Variants in DOCK7 observed in about 807,000 individuals in gnomAD.
DOCK7 encodes dedicator of cytokinesis 7, also known as dedicator of cytokinesis protein 7.
DOCK7 carries 138 observed loss-of-function variants against 271.0 expected under a neutral mutation model. The observed-to-expected ratio is 0.51, with a 90% CI of 0.44 to 0.59. DOCK7 has a LOEUF of 0.59. DOCK7 is among the 20% of genes least tolerant of loss of function. The pLI, the probability that DOCK7 is intolerant of heterozygous loss-of-function variation, is 0.00. For synonymous variants in DOCK7, 823 were observed against 876.1 expected (o/e 0.94, Z 1.07); for missense variants, 2,066 against 2,592.4 (o/e 0.80, Z 4.41).
chr1:62,622,638 G>A (rs1429425235), intron 12 of DOCK7, among the ~76,000 whole-genome samples: 1 of 151,448 alleles, frequency 6.6e-6, no homozygotes, highest in East Asian at 2.0e-4. Flanking sequence ...TATTTTTATA[G>A]AAACAAGGTC....
chr1:62,601,736 A>T, intron 14 of DOCK7: 1 of 1,388,286 alleles, frequency 7.2e-7, no homozygotes, highest in South Asian at 1.2e-5. Context: ...TCCTATTACT[A>T]AATCTGATGT....
chr1:62,630,144 A>C (rs1053451072), intron 11 of DOCK7, among the ~76,000 whole-genome samples: 10 of 152,036 alleles, frequency 6.6e-5, no homozygotes, highest in African/African-American at 1.9e-4. Context: ...AAACTTGAAG[A>C]CTCATTCCTT....
At chr1:62,551,672 C>A (rs1441670805) in intron 22 of DOCK7, among the ~76,000 whole-genome samples, 1 of 151,774 alleles carries the variant, frequency 6.6e-6, no homozygotes, top group Non-Finnish European at 1.5e-5. Flanking sequence ...AGGTAGCTAT[C>A]AAAAATTTTG....
chr1:62,678,453 C>T (rs796488631), intron 1 of DOCK7, among the ~76,000 whole-genome samples: 3 of 152,178 alleles, frequency 2.0e-5, no homozygotes, highest in African/African-American at 7.2e-5. Context: ...TATGCAAGAA[C>T]CTGACAGAGC....
intron 16 of DOCK7, among the ~76,000 whole-genome samples, chr1:62,581,764 T>C (rs189253046): frequency 1.6e-4 from 24 of 147,220 alleles, no homozygotes; most frequent in Non-Finnish European, 1.0e-4. Context: ...AAAAAAGAAG[T>C]GTTCAAAGAG....
rs139454153 is a variant in DOCK7 at position 62,603,791 on chromosome 1, A to G, written c.1682+14915T>C. 1.5e-3 allele frequency among the ~76,000 whole-genome samples: 233 copies of G among 152,018 alleles called. 4 individuals carry two copies. The highest frequency in any genetic ancestry group is 5.2e-3 in the African/African-American group (217 of 41,548). ...ATTAATATTTTTAACATTTTTGTGC[A>G]CATAGCTATCTTCAATAAAATTGTT... On this transcript the variant is annotated intron_variant, in intron 14 of 49. Transcript: ENST00000635253.
At chr1:62,571,393 C>T (rs1186362517) in intron 18 of DOCK7, among the ~76,000 whole-genome samples, 19 of 152,112 alleles carry the variant, frequency 1.2e-4, no homozygotes, top group Admixed American at 1.2e-3. Context: ...ATTATAAAGT[C>T]AAGAAACAAC....
At chr1:62,507,885 G>T in intron 35 of DOCK7, 77 bp downstream of exon 35, 2 of 1,300,572 alleles carry the variant, frequency 1.5e-6, no homozygotes, top group Non-Finnish European at 2.2e-6. Flanking sequence ...TAATTTTATG[G>T]CTCACAGTAA....
intron 14 of DOCK7, among the ~76,000 whole-genome samples, chr1:62,613,632 A>G (rs1652078603): frequency 6.6e-6 from 1 of 152,194 alleles, no homozygotes; most frequent in Admixed American, 6.5e-5. Flanking sequence ...CATAAAAATG[A>G]GAAGTGAAAG....
At chr1:62,481,295 A>G (rs1334100764) in intron 43 of DOCK7, 1 of 152,228 alleles carries the variant, frequency 6.6e-6, no homozygotes, top group Non-Finnish European at 1.5e-5. Flanking sequence ...GTTACTGGAT[A>G]TTTAAAAATA....
chr1:62,510,735 T>C (rs1461522559), intron 33 of DOCK7, 62 bp from the exon 34 acceptor site: 11 of 1,259,786 alleles, frequency 8.7e-6, no homozygotes, highest in African/African-American at 1.5e-5. Context: ...CATATATGTA[T>C]ACTTGCAATC....
At chr1:62,616,430 GTAAGA>G (rs776411553) in intron 14 of DOCK7, among the ~76,000 whole-genome samples, 50 of 149,944 alleles carry the variant, frequency 3.3e-4, no homozygotes, top group Non-Finnish European at 5.7e-4. Flanking sequence ...TGAGGCTAAT[GTAAGA>G]TAAAAGTGTT....
At chr1:62,457,162 T>C (rs1032707791) in intron 49 of DOCK7, among the ~76,000 whole-genome samples, 1 of 152,220 alleles carries the variant, frequency 6.6e-6, no homozygotes, top group South Asian at 2.1e-4. Flanking sequence ...TCCAAGTTAA[T>C]GACAAGACTT....
At chr1:62,667,834 A>G (rs1659493649) in intron 1 of DOCK7, among the ~76,000 whole-genome samples, 1 of 152,170 alleles carries the variant, frequency 6.6e-6, no homozygotes. Context: ...TCTGGCCAAC[A>G]TGGTGAAACC....
intron 7 of DOCK7, among the ~76,000 whole-genome samples, chr1:62,639,734 C>T (rs971838432): frequency 4.0e-5 from 6 of 151,786 alleles, no homozygotes; most frequent in Non-Finnish European, 7.4e-5. Context: ...CGGCCAATAA[C>T]TTTATAATAT....
intron 43 of DOCK7, 170 bp from the exon 44 acceptor site, chr1:62,477,995 T>C: frequency 1.4e-6 from 1 of 697,296 alleles, no homozygotes; most frequent in Non-Finnish European, 2.1e-6. Flanking sequence ...CAGTCTTTCC[T>C]TTTTCATTAT....
chr1:62,471,074 A>G (rs1461940164), intron 48 of DOCK7, among the ~76,000 whole-genome samples: 4 of 152,102 alleles, frequency 2.6e-5, no homozygotes, highest in Non-Finnish European at 5.9e-5. Flanking sequence ...AGAGTAAAAT[A>G]TATTTTCTCT....
chr1:62,590,762 G>A (rs1333504767), intron 14 of DOCK7, among the ~76,000 whole-genome samples: 1 of 152,108 alleles, frequency 6.6e-6, no homozygotes, highest in Non-Finnish European at 1.5e-5. Context: ...CTGATCATGA[G>A]AGAAATGCAA....
rs535197155 is a variant in DOCK7 at position 62,654,292 on chromosome 1, T to C, written c.145-133A>G. 9.5e-6 allele frequency: 8 copies of C among 838,708 alleles called. No homozygotes were observed. The African/African-American group carries it at 1.4e-4, about 14-fold the overall frequency. The allele number at this position is 838,708 out of a possible 1,614,324, so 52.0% of individuals were successfully genotyped here. On this transcript the variant is annotated intron_variant, in intron 2 of 49. Transcript: ENST00000635253. ...TTCTTTCTAAAATTTTCACAGATAT[T>C]CAACCAGATGCACTAAAGAAAACAC... is the stretch of plus-strand genomic sequence containing the variant.
Sources: gnomAD v4.1 joint callset for allele counts (sites outside exome capture counted in the v4.1 genomes callset) on GRCh38, gnomAD v4.1.1 for gene constraint, MANE v1.5 for transcripts, NCBI Gene and HGNC (gene_info 2026-07-23, HGNC 2026-07-21) for gene names.